Variants in CACNB4 observed in about 807,000 individuals in gnomAD.
CACNB4 encodes voltage-dependent L-type calcium channel subunit beta-4.
In CACNB4, 32 loss-of-function variants were observed where a neutral mutation model predicts 71.2. The observed-to-expected ratio is 0.45, with a 90% CI of 0.34 to 0.60. The LOEUF (loss-of-function observed/expected upper bound fraction) is 0.60. CACNB4 is among the 20% of genes least tolerant of loss of function. CACNB4 has a pLI of 0.01. For synonymous variants in CACNB4, 231 were observed against 236.9 expected (o/e 0.97, Z 0.23); for missense variants, 464 against 647.9 (o/e 0.72, Z 3.08).
chr2:152,069,548 C>T (rs1686550161), intron 2 of CACNB4, among the ~76,000 whole-genome samples: 1 of 147,594 alleles, frequency 6.8e-6, no homozygotes, highest in Non-Finnish European at 1.5e-5. Flanking sequence ...TTCCTTCACA[C>T]ATACCCTCCA....
chr2:151,846,424 A>G (rs2099837584), intron 12 of CACNB4, among the ~76,000 whole-genome samples: 1 of 152,356 alleles, frequency 6.6e-6, no homozygotes, highest in Non-Finnish European at 1.5e-5. Context: ...GAATCTCATT[A>G]AAACTAATGC....
At chr2:152,078,552 C>T (rs1451475826) in intron 2 of CACNB4, among the ~76,000 whole-genome samples, 1 of 152,220 alleles carries the variant, frequency 6.6e-6, no homozygotes, top group Admixed American at 6.5e-5. Context: ...TTCTCAGCCT[C>T]CTTTGAAGCT....
chr2:152,092,867 T>C (rs1688053329), intron 2 of CACNB4, among the ~76,000 whole-genome samples: 1 of 151,868 alleles, frequency 6.6e-6, no homozygotes, highest in Non-Finnish European at 1.5e-5. Context: ...CCTATACATA[T>C]ATACCTAAGA....
At chr2:151,962,486 G>A (rs1339393760) in intron 2 of CACNB4, among the ~76,000 whole-genome samples, 2 of 150,626 alleles carry the variant, frequency 1.3e-5, no homozygotes, top group African/African-American at 4.9e-5. Context: ...TATTGCTACT[G>A]AATCATGCAA....
At chr2:151,981,245 T>C (rs1322057506) in intron 2 of CACNB4, among the ~76,000 whole-genome samples, 2 of 152,222 alleles carry the variant, frequency 1.3e-5, no homozygotes, top group African/African-American at 4.8e-5. Flanking sequence ...ACATGCTTCA[T>C]TCCATAGAAG....
upstream of CACNB4, chr2:152,099,046 G>C (rs759279804): frequency 2.6e-5 from 38 of 1,464,832 alleles, 1 homozygote; most frequent in South Asian, 4.8e-4. Context: ...CCCGTGTGCG[G>C]TGGGCGGAGG....
At chr2:151,893,532 G>T (rs78852198) in intron 2 of CACNB4, among the ~76,000 whole-genome samples, 2 of 152,000 alleles carry the variant, frequency 1.3e-5, no homozygotes, top group African/African-American at 4.8e-5. Flanking sequence ...ATGAGCCATC[G>T]CACTCAGTCT....
intron 7 of CACNB4, 68 bp from the exon 8 acceptor site, chr2:151,870,679 C>A (rs2099844400): frequency 2.3e-6 from 3 of 1,323,756 alleles, no homozygotes; most frequent in Non-Finnish European, 2.1e-6. Flanking sequence ...CCACAACATT[C>A]ATAATTTCAT....
rs767671440 is a variant in CACNB4, at chr2:152,098,501, G to C, written c.64-88C>G. 2.9e-6 allele frequency: 4 copies of C among 1,399,760 alleles called. No homozygotes were observed. Among genetic ancestry groups the C allele is most frequent in the Non-Finnish European group, 4.1e-6 (4 of 987,364 alleles). 86.7% of individuals were successfully genotyped at this position (1,399,760 alleles called of 1,614,324 possible). On this transcript the variant is annotated intron_variant, in intron 1 of 13. Coordinates refer to ENST00000539935, the MANE Select transcript of CACNB4 (RefSeq NM_000726.5). The surrounding 1 kb of genome is among the most constrained non-coding windows in gnomAD (Gnocchi z 5.3). ...CCACCCCCGGCTGGAGTCCGCCTCC[G>C]GACCCGCTCCCTGGGGTCCCCTAGA...
chr2:151,855,800 A>T (rs1441029332), intron 10 of CACNB4, among the ~76,000 whole-genome samples: 1 of 152,204 alleles, frequency 6.6e-6, no homozygotes, highest in Non-Finnish European at 1.5e-5. Flanking sequence ...CTATCAACGA[A>T]GTATAAACTA....
chr2:152,027,854 A>G (rs1684063245), intron 2 of CACNB4, among the ~76,000 whole-genome samples: 1 of 39,754 alleles, frequency 2.5e-5, no homozygotes, highest in African/African-American at 1.8e-4. Context: ...CTCCGTCTCA[A>G]AAAAAAAAAA....
At chr2:152,060,216 A>G (rs1685937619) in intron 2 of CACNB4, among the ~76,000 whole-genome samples, 1 of 152,234 alleles carries the variant, frequency 6.6e-6, no homozygotes. Context: ...AAGGAAAATG[A>G]CTTGAGTTTT....
At chr2:151,880,576 T>C in intron 4 of CACNB4, 1 of 542,526 alleles carries the variant, frequency 1.8e-6, no homozygotes, top group South Asian at 2.4e-5. Flanking sequence ...TGCTATAATT[T>C]TAAGGTTGAC....
At chr2:152,051,589 C>T (rs907531295) in intron 2 of CACNB4, among the ~76,000 whole-genome samples, 3 of 152,146 alleles carry the variant, frequency 2.0e-5, no homozygotes, top group Non-Finnish European at 4.4e-5. Flanking sequence ...CTGCTCTCAG[C>T]CATGTGAGGA....
chr2:152,008,274 C>T (rs1682847531), intron 2 of CACNB4, among the ~76,000 whole-genome samples: 1 of 151,698 alleles, frequency 6.6e-6, no homozygotes, highest in African/African-American at 2.4e-5. Flanking sequence ...CTTTTACTCC[C>T]TTGCTTTGTT....
Position 151,975,317 on chromosome 2 carries a change from C to T in CACNB4, c.148-91947G>A, listed in dbSNP as rs899274869. Among the ~76,000 whole-genome samples, 18 of 152,244 alleles carry T rather than the reference C, an allele frequency of 1.2e-4. 1 individual carries two copies. The South Asian group carries it at 1.7e-3, about 14-fold the overall frequency. On this transcript the variant is annotated intron_variant, in intron 2 of 13. Transcript: ENST00000539935. ...AACCTGAGTCAAAATAATAACACAA[C>T]AGCTACAACAGCTGAGCAGAGCATA...
chr2:152,041,282 T>C (rs1015852250), intron 2 of CACNB4, among the ~76,000 whole-genome samples: 16 of 152,240 alleles, frequency 1.1e-4, no homozygotes, highest in Non-Finnish European at 5.9e-5. Flanking sequence ...TAGAGAGATC[T>C]GTGTTCTTAA....
intron 2 of CACNB4, among the ~76,000 whole-genome samples, chr2:151,946,953 G>T (rs1396883668): frequency 3.9e-5 from 6 of 152,144 alleles, no homozygotes; most frequent in Admixed American, 1.3e-4. Flanking sequence ...AGTAAATTCT[G>T]GTGTCCTGTG....
At chr2:152,001,820 G>A (rs1471370839) in intron 2 of CACNB4, among the ~76,000 whole-genome samples, 2 of 152,138 alleles carry the variant, frequency 1.3e-5, no homozygotes, top group Non-Finnish European at 2.9e-5. Context: ...TAGGAAAGCT[G>A]GCTCTTATGG....
Sources: allele counts gnomAD v4.1 joint callset (sites outside exome capture counted in the v4.1 genomes callset), GRCh38; gene constraint gnomAD v4.1.1; non-coding constraint Gnocchi (gnomAD v3.1); transcripts MANE v1.5; gene names NCBI Gene and HGNC (gene_info 2026-07-23, HGNC 2026-07-21).